FNDC3A: variants seen among roughly 807,000 people sequenced by gnomAD.
FNDC3A encodes the protein fibronectin type-III domain-containing protein 3A.
A neutral mutation model predicts 148.9 loss-of-function variants in FNDC3A; 32 were observed. The ratio of observed to expected loss-of-function variants is 0.21; its 90% CI spans 0.16 to 0.29. The LOEUF (loss-of-function observed/expected upper bound fraction) is 0.29. FNDC3A is among the 10% of genes least tolerant of loss of function. FNDC3A has a pLI of 1.00. For synonymous variants in FNDC3A, 472 were observed against 473.6 expected, an observed-to-expected ratio of 1.00 and a Z score of 0.04; for missense variants, 1,191 against 1,452.8, an observed-to-expected ratio of 0.82 and a Z score of 2.93.
chr13:49,114,417 C>A (rs577204613), intron 3 of FNDC3A, among the ~76,000 whole-genome samples: 6 of 151,416 alleles, frequency 4.0e-5, no homozygotes, highest in East Asian at 1.9e-4. Context: ...ACCTCCCCGC[C>A]CCCCACCACC....
In FNDC3A at chr13:49,207,731, GTGA is replaced by G. The variant is rs975248445; in HGVS notation, c.*338_*340del. The G allele has an allele frequency of 5.0e-6, 1 of 199,002 alleles. No homozygotes were observed. The highest frequency in any genetic ancestry group is 2.4e-5 in the African/African-American group (1 of 42,472). 12.3% of individuals were successfully genotyped at this position (199,002 alleles called of 1,614,324 possible). A position where few individuals can be genotyped will look rare whatever the true frequency, so the allele number is the denominator to read the frequency against. On this transcript the variant is annotated 3_prime_UTR_variant, in exon 26 of 26. Coordinates refer to ENST00000492622, the MANE Select transcript of FNDC3A (RefSeq NM_001079673.2). ...TTGACGAATCGGCATGAGTGTAACAGTGATAACCTGATCTGTTTGTTTTAAAGA... is the reference window on the plus strand; with the variant it reads ...TTGACGAATCGGCATGAGTGTAACAGTAACCTGATCTGTTTGTTTTAAAGA...
intron 4 of FNDC3A, among the ~76,000 whole-genome samples, chr13:49,119,684 G>A (rs1044910137): frequency 9.2e-5 from 14 of 151,716 alleles, no homozygotes; most frequent in South Asian, 4.2e-4. Flanking sequence ...CAAGAACTTC[G>A]CGAAGCATAC....
At chr13:49,149,971 T>A (rs1471364849) in intron 8 of FNDC3A, among the ~76,000 whole-genome samples, 1 of 152,206 alleles carries the variant, frequency 6.6e-6, no homozygotes, top group African/African-American at 2.4e-5. Flanking sequence ...TTTGTTGGTG[T>A]AGGTTGTCCA....
chr13:49,173,827 A>G (rs531601509), intron 11 of FNDC3A, among the ~76,000 whole-genome samples: 10 of 152,300 alleles, frequency 6.6e-5, no homozygotes, highest in African/African-American at 2.4e-4. Flanking sequence ...TGGGTGGCAA[A>G]TGTGAAACTT....
intron 14 of FNDC3A, among the ~76,000 whole-genome samples, chr13:49,184,449 C>G (rs1428165703): frequency 6.6e-6 from 1 of 152,110 alleles, no homozygotes; most frequent in Non-Finnish European, 1.5e-5. Flanking sequence ...AGTTGTAGAA[C>G]AGTGAAGTGG....
rs188310595 is a variant in FNDC3A at position 49,053,064 on chromosome 13, A to G, written c.100-22225A>G. On this transcript the variant is annotated intron_variant, in intron 2 of 25. Coordinates refer to ENST00000492622, the MANE Select transcript of FNDC3A (RefSeq NM_001079673.2). ...GGCCGCAGTCCTGAAGGCCAGTCTC[A>G]TTCCAACTGTAACTCCCCAACAGCA... Among the ~76,000 whole-genome samples the G allele has an allele frequency of 2.0e-3, 309 of 152,276 alleles. 2 individuals are homozygous for G. Among genetic ancestry groups the G allele is most frequent in the African/African-American group, 7.1e-3 (293 of 41,552 alleles).
At chr13:48,977,263 C>T (rs1951620993) in intron 1 of FNDC3A, among the ~76,000 whole-genome samples, 1 of 151,970 alleles carries the variant, frequency 6.6e-6, no homozygotes, top group South Asian at 2.1e-4. Flanking sequence ...TTGCTTCTTA[C>T]TGTGGTCTGT....
chr13:49,157,571 C>T lies in FNDC3A; in HGVS notation c.978-9673C>T, dbSNP rs1167149531. Among the ~76,000 whole-genome samples, 19 of 151,118 alleles carry T rather than the reference C, an allele frequency of 1.3e-4. No individual in the cohort carries two copies. In the East Asian group the frequency reaches 1.8e-3, roughly 14 times the overall value. On this transcript the variant is annotated intron_variant, in intron 8 of 25. Coordinates refer to ENST00000492622, the MANE Select transcript of FNDC3A (RefSeq NM_001079673.2). ...TTGTTCCGTTGCTGGTGAGGAACTGCGTTCCTTTGGAGGAGGAGAGGTGCT... is the reference window on the plus strand; with the variant it reads ...TTGTTCCGTTGCTGGTGAGGAACTGTGTTCCTTTGGAGGAGGAGAGGTGCT...
chr13:49,165,210 T>G (rs546829335), intron 8 of FNDC3A, among the ~76,000 whole-genome samples: 1 of 152,218 alleles, frequency 6.6e-6, no homozygotes, highest in Non-Finnish European at 1.5e-5. Context: ...GATTATTGTG[T>G]TTCTTTGGAG....
intron 25 of FNDC3A, 100 bp downstream of exon 25, chr13:49,203,384 A>G (rs759820667): frequency 3.3e-5 from 26 of 790,692 alleles, no homozygotes; most frequent in Admixed American, 1.4e-4. Flanking sequence ...CTTTTAATTC[A>G]TAAATATTTA....
At chr13:49,113,471 G>A (rs143314794) in intron 3 of FNDC3A, among the ~76,000 whole-genome samples, 257 of 152,060 alleles carry the variant, frequency 1.7e-3, no homozygotes, top group African/African-American at 5.9e-3. Context: ...GCTGTAATCC[G>A]GATTTGTTGT....
intron 1 of FNDC3A, among the ~76,000 whole-genome samples, chr13:48,982,813 A>G (rs749342190): frequency 6.6e-6 from 1 of 152,170 alleles, no homozygotes; most frequent in African/African-American, 2.4e-5. Context: ...GACTTCTCAT[A>G]CTGGCTGTAT....
chr13:48,998,245 T>A (rs1367452426), intron 1 of FNDC3A, among the ~76,000 whole-genome samples: 1 of 152,178 alleles, frequency 6.6e-6, no homozygotes, highest in East Asian at 1.9e-4. Flanking sequence ...CTAAGCCAAG[T>A]GTTGAAGGAG....
At chr13:49,141,069 C>T (rs574947274) in intron 7 of FNDC3A, among the ~76,000 whole-genome samples, 1 of 152,212 alleles carries the variant, frequency 6.6e-6, no homozygotes, top group South Asian at 2.1e-4. Flanking sequence ...GACCAGAGTG[C>T]AGTGTATAGG....
Position 49,197,982 on chromosome 13 carries a change from G to C in FNDC3A, c.2491G>C (p.Ala831Pro), listed in dbSNP as rs1195086868. Residue 831 changes from alanine (A) to proline (P), a missense_variant and splice_region_variant, in exon 22 of 26, where the codon GCT becomes CCT. Ala to Pro is a conservative substitution (Grantham distance 27). This residue lies in a region of FNDC3A where 751 missense variants were observed against 944.0 expected (regional missense o/e 0.80). Transcript: ENST00000492622. ...ACTCGGAGGCTCTGTTAATTTGTAG[G>C]CTCTGAGTGTTGTGGGTGCAGGCCC... ...PATTYYCRVQ[A>P]LSVVGAGPFS... 1 of 1,610,572 alleles carries C rather than the reference G, an allele frequency of 6.2e-7. No individual in the cohort carries two copies. The highest frequency in any genetic ancestry group is 8.5e-7 in the Non-Finnish European group (1 of 1,178,060).
intron 8 of FNDC3A, among the ~76,000 whole-genome samples, chr13:49,163,079 C>T (rs903674279): frequency 1.3e-5 from 2 of 152,204 alleles, no homozygotes; most frequent in African/African-American, 2.4e-5. Context: ...TTAGGCTACT[C>T]GGGGGTCTGG....
rs753554754 is a variant in FNDC3A, at chr13:49,201,877, G to C, written c.3065G>C (p.Cys1022Ser). ...AATGAGTCAACATCCTATAAATTCT[G>C]TATTCAAGCTTGTAATGAAGCTGGG... ...RLNESTSYKF[C>S]IQACNEAGEG... Residue 1022 changes from cysteine (C) to serine (S), a missense_variant, in exon 24 of 26, where the codon TGT becomes TCT. Around this residue, in one of 3 missense-constraint regions of FNDC3A, gnomAD observed 751 missense variants for 944.0 expected, o/e 0.80. Transcript: ENST00000492622. 1.3e-6 allele frequency: 2 copies of C among 1,593,898 alleles called. No homozygotes were observed. Among genetic ancestry groups the C allele is most frequent in the Non-Finnish European group, 1.7e-6 (2 of 1,167,414 alleles).
At chr13:49,070,432 GT>G (rs572162375) in intron 2 of FNDC3A, among the ~76,000 whole-genome samples, 7 of 152,084 alleles carry the variant, frequency 4.6e-5, no homozygotes, top group African/African-American at 1.7e-4. Context: ...AAGTACCAGA[GT>G]TTTTTAATAC....
intron 2 of FNDC3A, chr13:49,045,650 A>AT (rs1367729425): frequency 5.4e-6 from 5 of 922,694 alleles, no homozygotes; most frequent in East Asian, 2.8e-5. Context: ...TCTACAATAC[A>AT]TTTTTTCCTA....
Sources: allele counts gnomAD v4.1 joint callset (sites outside exome capture counted in the v4.1 genomes callset), GRCh38; gene constraint gnomAD v4.1.1; regional missense constraint gnomAD v4.1.1; transcripts MANE v1.5; gene names NCBI Gene and HGNC (gene_info 2026-07-23, HGNC 2026-07-21).